The following MYLK4 variants were observed in gnomAD, a reference collection of about 807,000 sequenced individuals.
MYLK4 encodes the protein myosin light chain kinase family member 4.
MYLK4 carries 46 observed loss-of-function variants against 48.1 expected under a neutral mutation model. The ratio of observed to expected loss-of-function variants is 0.96; its 90% CI spans 0.75 to 1.22. The LOEUF (loss-of-function observed/expected upper bound fraction) is 1.22. MYLK4 is among the 50% of genes most tolerant of loss of function. The pLI, the probability that MYLK4 is intolerant of heterozygous loss-of-function variation, is 0.00. For synonymous variants in MYLK4, 170 were observed against 180.8 expected (o/e 0.94, Z 0.48); for missense variants, 451 against 486.1 (o/e 0.93, Z 0.68).
chr6:2,699,449 C>T (rs894709571), intron 2 of MYLK4, among the ~76,000 whole-genome samples: 13 of 100,116 alleles, frequency 1.3e-4, no homozygotes, highest in Non-Finnish European at 1.0e-4. Context: ...CCCTACCACA[C>T]CTGGCTAATT....
At chr6:2,768,885 A>G in the MYLK4 span, 1 of 1,605,128 alleles carries the variant, frequency 6.2e-7, no homozygotes, top group Non-Finnish European at 8.5e-7. Context: ...CTCAGCAGGT[A>G]TATTAACTTC....
chr6:2,680,152 GT>G, intron 8 of MYLK4, 68 bp downstream of exon 8: 2 of 1,540,858 alleles, frequency 1.3e-6, no homozygotes, highest in South Asian at 2.3e-5. Context: ...TCAGATATAT[GT>G]TTGCAAAGGA....
intron 2 of MYLK4, among the ~76,000 whole-genome samples, chr6:2,738,827 A>G (rs1269427203): frequency 6.6e-6 from 1 of 152,216 alleles, no homozygotes; most frequent in African/African-American, 2.4e-5. Context: ...GGTTACTATA[A>G]CAGTAGATAC....
At chr6:2,747,347 C>CT (rs956049413) in intron 2 of MYLK4, among the ~76,000 whole-genome samples, 13 of 151,328 alleles carry the variant, frequency 8.6e-5, no homozygotes, top group East Asian at 1.9e-4. Flanking sequence ...CTATCGCACT[C>CT]TTTTTTTTTA....
At chr6:2,764,859 G>T in the MYLK4 span, among the ~76,000 whole-genome samples, 1 of 152,204 alleles carries the variant, frequency 6.6e-6, no homozygotes, top group South Asian at 2.1e-4. Flanking sequence ...CACTACTGAG[G>T]TGAGCATTTC....
chr6:2,749,440 A>C, intron 1 of MYLK4, 34 bp from the exon 2 acceptor site: 1 of 587,090 alleles, frequency 1.7e-6, no homozygotes. Flanking sequence ...AGTTCTCATC[A>C]CGTATTCATG....
Position 2,742,833 on chromosome 6 carries a change from C to T in MYLK4, c.159+6303G>A, listed in dbSNP as rs927562548. On this transcript the variant is annotated intron_variant, in intron 2 of 12. Coordinates refer to ENST00000274643, the MANE Select transcript of MYLK4 (RefSeq NM_001012418.5). ...TGTATACATATGTAACAAACCTGCA[C>T]ATTGTGCACATGTACCCTAAAACTT... 1.4e-4 allele frequency among the ~76,000 whole-genome samples: 21 copies of T among 151,564 alleles called. 1 individual carries two copies. The highest frequency in any genetic ancestry group is 1.3e-3 in the Admixed American group (20 of 15,218).
chr6:2,698,476 T>C (rs1185487973), intron 2 of MYLK4, among the ~76,000 whole-genome samples: 1 of 152,248 alleles, frequency 6.6e-6, no homozygotes, highest in Non-Finnish European at 1.5e-5. Context: ...CGCAGAGTCT[T>C]TTCTTGCTAG....
At chr6:2,730,350 C>A (rs1763434301) in intron 2 of MYLK4, among the ~76,000 whole-genome samples, 1 of 152,222 alleles carries the variant, frequency 6.6e-6, no homozygotes. Flanking sequence ...GAGAATTGTC[C>A]AGCATAGCGG....
the MYLK4 span, among the ~76,000 whole-genome samples, chr6:2,767,598 C>T: frequency 1.6e-4 from 24 of 152,338 alleles, no homozygotes; most frequent in African/African-American, 5.1e-4. Context: ...GAGTTGTTGA[C>T]GTCTGTCCCC....
At chr6:2,713,230 C>T (rs1762741037) in intron 2 of MYLK4, among the ~76,000 whole-genome samples, 1 of 151,894 alleles carries the variant, frequency 6.6e-6, no homozygotes, top group African/African-American at 2.4e-5. Context: ...ATTAGCCAGG[C>T]ATGGTGGTGC....
chr6:2,730,312 G>A (rs150428164), intron 2 of MYLK4, among the ~76,000 whole-genome samples: 14 of 152,348 alleles, frequency 9.2e-5, no homozygotes, highest in African/African-American at 3.1e-4. Flanking sequence ...TTTTGTGCCT[G>A]CTGGCTTGGA....
At chr6:2,747,115 G>A (rs554477316) in intron 2 of MYLK4, among the ~76,000 whole-genome samples, 1 of 152,328 alleles carries the variant, frequency 6.6e-6, no homozygotes, top group African/African-American at 2.4e-5. Context: ...ACCTTCCACA[G>A]GGTGTCAACT....
chr6:2,753,679 A>AG (rs11381938), upstream of MYLK4, among the ~76,000 whole-genome samples: 147,299 of 152,258 alleles, frequency 0.97, 71,425 homozygotes, highest in East Asian at 1. Flanking sequence ...ACTTAATAAT[A>AG]TATGACAAAA....
At position 2,737,979 on chromosome 6, in the gene MYLK4, GGT is replaced by G. The variant is rs377224165; in HGVS notation, c.159+11155_159+11156del. The stretch of plus-strand genomic sequence containing the variant: ...TGCTGGGGGTGGGGTGCCGGGGGCG[GGT>G]GGGGGGGGGGTGGTCAATGTTATTA... On this transcript the variant is annotated intron_variant, in intron 2 of 12. Transcript: ENST00000274643. Among the ~76,000 whole-genome samples, 241 of 72,892 alleles carry G rather than the reference GGT, an allele frequency of 3.3e-3. 18 individuals carry two copies. Among genetic ancestry groups the G allele is most frequent in the African/African-American group, 9.5e-3 (223 of 23,434 alleles). 47.8% of individuals were successfully genotyped at this position (72,892 alleles called of 152,430 possible).
the MYLK4 span, chr6:2,768,911 C>A: frequency 6.3e-7 from 1 of 1,578,040 alleles, no homozygotes; most frequent in South Asian, 1.2e-5. Context: ...ACCTTTTGGT[C>A]GTTGTGAACA....
Position 2,685,401 on chromosome 6 carries a change from T to G in MYLK4, c.440A>C (p.Glu147Ala). 6.9e-7 allele frequency: 1 copy of G among 1,449,366 alleles called. No homozygotes were observed. Among genetic ancestry groups the G allele is most frequent in the Non-Finnish European group, 9.3e-7 (1 of 1,077,770 alleles). 89.8% of individuals were successfully genotyped at this position (1,449,366 alleles called of 1,614,324 possible). ...IKTRGMKDKE[E>A]VKNEISVMNQ... ...CATGACGCTGATCTCGTTCTTCACC[T>G]CCTCCTGAGAAGCAGGAAACAGTGC... Residue 147 changes from glutamate (E) to alanine (A), a missense_variant, in exon 6 of 13, where the codon GAG becomes GCG. Transcript: ENST00000274643. This position sits in a 1 kb window ranked among gnomAD's most constrained non-coding sequence, Gnocchi z 4.5.
intron 2 of MYLK4, among the ~76,000 whole-genome samples, chr6:2,736,308 G>A (rs773188391): frequency 6.6e-6 from 1 of 152,204 alleles, no homozygotes; most frequent in African/African-American, 2.4e-5. Flanking sequence ...AGGCTGCAGC[G>A]CAATGGCGCG....
the MYLK4 span, among the ~76,000 whole-genome samples, chr6:2,763,251 C>T: frequency 6.6e-6 from 1 of 152,276 alleles, no homozygotes; most frequent in African/African-American, 2.4e-5. Context: ...CCCCACCAGA[C>T]TCAGAAACCC....
Sources: allele counts gnomAD v4.1 joint callset (sites outside exome capture counted in the v4.1 genomes callset), GRCh38; gene constraint gnomAD v4.1.1; non-coding constraint Gnocchi (gnomAD v3.1); transcripts MANE v1.5; gene names NCBI Gene and HGNC (gene_info 2026-07-23, HGNC 2026-07-21).